PATJ: variants seen among roughly 807,000 people sequenced by gnomAD.
PATJ encodes inaD-like protein.
Under a neutral mutation model 224.9 loss-of-function variants are expected in PATJ, and 190 were observed. The observed-to-expected ratio is 0.84, with a 90% CI of 0.75 to 0.95. The LOEUF (loss-of-function observed/expected upper bound fraction) is 0.95, where lower values mean the gene tolerates loss of function less well. Ranked by LOEUF, PATJ falls within the 40% of genes least tolerant of loss-of-function variation. PATJ has a pLI of 0.00. For synonymous variants in PATJ, 769 were observed against 820.3 expected, an observed-to-expected ratio of 0.94 and a Z score of 1.07; for missense variants, 2,121 against 2,270.3, an observed-to-expected ratio of 0.93 and a Z score of 1.34.
At chr1:62,098,091 G>A (rs1661605718) in intron 33 of PATJ, among the ~76,000 whole-genome samples, 1 of 152,128 alleles carries the variant, frequency 6.6e-6, no homozygotes, top group Non-Finnish European at 1.5e-5. Context: ...TGGGTGTGGT[G>A]GCTCACACCT....
chr1:62,132,314 A>G (rs1666343432), intron 41 of PATJ, among the ~76,000 whole-genome samples: 1 of 152,234 alleles, frequency 6.6e-6, no homozygotes, highest in South Asian at 2.1e-4. Flanking sequence ...CCTGGCCAAC[A>G]TAGAGAAACC....
At chr1:61,782,098 G>A (rs767082874) in intron 7 of PATJ, among the ~76,000 whole-genome samples, 1 of 151,896 alleles carries the variant, frequency 6.6e-6, no homozygotes, top group Non-Finnish European at 1.5e-5. Flanking sequence ...TACACTTTAG[G>A]CACCTAGAGC....
chr1:61,775,887 G>A (rs1297481365), intron 7 of PATJ, among the ~76,000 whole-genome samples: 1 of 152,096 alleles, frequency 6.6e-6, no homozygotes, highest in Admixed American at 6.6e-5. Context: ...TTAGTTTTTA[G>A]AAATTAGTTT....
At chr1:61,757,753 T>G (rs1645732147) in intron 1 of PATJ, among the ~76,000 whole-genome samples, 1 of 152,234 alleles carries the variant, frequency 6.6e-6, no homozygotes, top group Admixed American at 6.5e-5. Flanking sequence ...AGTTTAATTT[T>G]TAAATCTCTC....
At chr1:61,844,901 G>A (rs527493303) in intron 17 of PATJ, among the ~76,000 whole-genome samples, 1 of 152,252 alleles carries the variant, frequency 6.6e-6, no homozygotes, top group African/African-American at 2.4e-5. Context: ...GTTACACCAT[G>A]ATTGTGAGTT....
At chr1:62,128,374 A>G in intron 40 of PATJ, 1 of 336,124 alleles carries the variant, frequency 3.0e-6, no homozygotes, top group Non-Finnish European at 5.4e-6. Flanking sequence ...TCCACCCAAA[A>G]TCAGCTCTCA....
chr1:62,098,322 G>A (rs1661644812), intron 33 of PATJ, among the ~76,000 whole-genome samples: 1 of 144,418 alleles, frequency 6.9e-6, no homozygotes, highest in Non-Finnish European at 1.5e-5. Flanking sequence ...TTGCACGACT[G>A]CACTCCAGCC....
chr1:61,793,151 G>A (rs1408462811), intron 9 of PATJ, among the ~76,000 whole-genome samples: 2 of 152,002 alleles, frequency 1.3e-5, no homozygotes, highest in African/African-American at 4.8e-5. Context: ...TTGGCTCACT[G>A]CAACCTCTGC....
chr1:61,830,090 T>C, intron 16 of PATJ, among the ~76,000 whole-genome samples: 1 of 152,184 alleles, frequency 6.6e-6, no homozygotes. Flanking sequence ...GGACCAATCC[T>C]AATTTAAAAA....
At chr1:61,853,491 G>A (rs1295687648) in intron 17 of PATJ, among the ~76,000 whole-genome samples, 3 of 152,128 alleles carry the variant, frequency 2.0e-5, no homozygotes, top group African/African-American at 7.2e-5. Context: ...GTTAGCTGCT[G>A]GGCAGTTCAT....
chr1:61,892,801 A>C (rs1235193856), intron 22 of PATJ, among the ~76,000 whole-genome samples: 1 of 152,156 alleles, frequency 6.6e-6, no homozygotes, highest in East Asian at 1.9e-4. Flanking sequence ...TACAATTGAT[A>C]ATATTGATAA....
intron 26 of PATJ, among the ~76,000 whole-genome samples, chr1:61,918,822 G>A (rs1265998056): frequency 6.6e-6 from 1 of 152,020 alleles, no homozygotes; most frequent in African/African-American, 2.4e-5. Flanking sequence ...TATTAGCTGG[G>A]TGTGGTGGTG....
chr1:62,147,246 A>G lies in PATJ; in HGVS notation c.5272-1038A>G, dbSNP rs76529452. Among the ~76,000 whole-genome samples the G allele has an allele frequency of 7.4e-3, 1,124 of 152,300 alleles. 6 individuals are homozygous for G. The highest frequency in any genetic ancestry group is 0.016 in the Admixed American group (244 of 15,302). On this transcript the variant is annotated intron_variant, in intron 41 of 43. Coordinates refer to ENST00000642238, the MANE Select transcript of PATJ (RefSeq NM_001350145.3). ...GTTTAATGGAAAAGATAAGAAGCTC[A>G]AGGACTAAGCCCTGTGGCCCTCAGT...
Position 62,043,585 on chromosome 1 carries a change from AG to A in PATJ, c.4032+5537del, listed in dbSNP as rs1204246088. ...ACTTATATTATCACAGCCCTCTAGT[AG>A]AACTCCCAGCCTCCAGCATCTTCCA... On this transcript the variant is annotated intron_variant, in intron 30 of 43. Transcript: ENST00000642238. Among the ~76,000 whole-genome samples the A allele has an allele frequency of 5.3e-5, 8 of 152,326 alleles. No homozygotes were observed. The East Asian group carries it at 1.5e-3, about 29-fold the overall frequency.
At chr1:62,057,212 G>A (rs181427053) in intron 31 of PATJ, among the ~76,000 whole-genome samples, 2 of 152,334 alleles carry the variant, frequency 1.3e-5, no homozygotes, top group South Asian at 2.1e-4. Context: ...CCTTGAGAGG[G>A]AGGGCTACCC....
At chr1:61,886,923 A>C (rs902552586) in intron 22 of PATJ, among the ~76,000 whole-genome samples, 7 of 150,312 alleles carry the variant, frequency 4.7e-5, no homozygotes, top group Non-Finnish European at 1.0e-4. Flanking sequence ...TGATGCAGCA[A>C]TGAGCTATAA....
At chr1:62,044,242 G>T (rs765153484) in intron 30 of PATJ, among the ~76,000 whole-genome samples, 29 of 152,042 alleles carry the variant, frequency 1.9e-4, no homozygotes, top group Non-Finnish European at 2.5e-4. Flanking sequence ...CTGAAATTTT[G>T]CATCCTCTGA....
intron 41 of PATJ, among the ~76,000 whole-genome samples, chr1:62,136,015 A>ATTTTTTTTTTTTTTTTTT (rs374594803): frequency 1.6e-5 from 1 of 63,880 alleles, no homozygotes; most frequent in African/African-American, 6.4e-5. Context: ...AGACCATTAG[A>ATTTTTTTTTTTTTTTTTT]TTTTTTTTTT....
intron 16 of PATJ, 33 bp downstream of exon 16, chr1:61,827,616 CATGCCCATTCATCAAAG>C: frequency 6.3e-7 from 1 of 1,585,274 alleles, no homozygotes; most frequent in South Asian, 1.1e-5. Context: ...TTCCCATAGG[CATGCCCATTCATCAAAG>C]ATGCCCCGAA....
Sources: gnomAD v4.1 joint callset for allele counts (sites outside exome capture counted in the v4.1 genomes callset) on GRCh38, gnomAD v4.1.1 for gene constraint, MANE v1.5 for transcripts, NCBI Gene and HGNC (gene_info 2026-07-23, HGNC 2026-07-21) for gene names.